Variants in CAMTA1 observed in about 807,000 individuals in gnomAD.
CAMTA1 encodes calmodulin-binding transcription activator 1.
A neutral mutation model predicts 170.9 loss-of-function variants in CAMTA1; 27 were observed. The observed-to-expected ratio is 0.16, with a 90% confidence interval of 0.12 to 0.22. CAMTA1 has a LOEUF of 0.22. Among genes scored for constraint, CAMTA1 ranks in the 10% least tolerant of loss-of-function variants. CAMTA1 has a pLI of 1.00. For synonymous variants in CAMTA1, 833 were observed against 891.5 expected, an observed-to-expected ratio of 0.93 and a Z score of 1.17; for missense variants, 1,619 against 2,217.2, an observed-to-expected ratio of 0.73 and a Z score of 5.42.
chr1:6,929,598 C>G (rs1237571512), intron 3 of CAMTA1, among the ~76,000 whole-genome samples: 1 of 152,136 alleles, frequency 6.6e-6, no homozygotes. Flanking sequence ...CTCCTGACCT[C>G]GTGATCCGCC....
chr1:6,885,519 G>A (rs1672962124), intron 3 of CAMTA1, among the ~76,000 whole-genome samples: 1 of 152,148 alleles, frequency 6.6e-6, no homozygotes, highest in Non-Finnish European at 1.5e-5. Context: ...ACTTTAACCA[G>A]CATAGCCAGC....
At chr1:7,752,095 G>A (rs917985533) in intron 20 of CAMTA1, among the ~76,000 whole-genome samples, 7 of 152,258 alleles carry the variant, frequency 4.6e-5, no homozygotes, top group Middle Eastern at 3.4e-3. Context: ...TATCAACTCC[G>A]GTGAATCACC....
At chr1:7,132,936 A>G (rs893678604) in intron 4 of CAMTA1, among the ~76,000 whole-genome samples, 12 of 152,166 alleles carry the variant, frequency 7.9e-5, no homozygotes, top group Non-Finnish European at 1.8e-4. Context: ...TGTTAAACCT[A>G]CATTTTATCA....
intron 3 of CAMTA1, among the ~76,000 whole-genome samples, chr1:6,998,886 T>G (rs1268145776): frequency 6.6e-6 from 1 of 152,240 alleles, no homozygotes; most frequent in Non-Finnish European, 1.5e-5. Flanking sequence ...AAATATTCAT[T>G]TATTCATTTC....
chr1:6,870,181 G>A (rs1667985208), intron 3 of CAMTA1, among the ~76,000 whole-genome samples: 1 of 152,082 alleles, frequency 6.6e-6, no homozygotes, highest in Non-Finnish European at 1.5e-5. Flanking sequence ...AAATAATGAT[G>A]CTACTAAAAC....
At position 7,732,758 on chromosome 1, in the gene CAMTA1, A is replaced by G. The variant is rs1346939873; in HGVS notation, c.3066+159A>G. 1.3e-5 allele frequency among the ~76,000 whole-genome samples: 2 copies of G among 152,222 alleles called. No individual in the cohort carries two copies. The highest frequency in any genetic ancestry group is 2.9e-5 in the Non-Finnish European group (2 of 68,036). ...CTTTACGGTACCTGTGCTTTTAAGC[A>G]TTATAATCTGTGCAGTATGGAAGAA... On this transcript the variant is annotated intron_variant, in intron 12 of 22. Transcript: ENST00000303635. This position sits in a 1 kb window ranked among gnomAD's most constrained non-coding sequence, Gnocchi z 4.1.
rs1051806775 is a variant in CAMTA1, at chr1:7,580,593, G to A, written c.511-59807G>A. On this transcript the variant is annotated intron_variant, in intron 6 of 22. Coordinates refer to ENST00000303635, the MANE Select transcript of CAMTA1 (RefSeq NM_015215.4). The surrounding 1 kb of genome is among the most constrained non-coding windows in gnomAD (Gnocchi z 4.3). ...ACTAACAAGTGCCAAGCCCTCCCAC[G>A]TTTGGGGACAGCCGTGTCAGAGACT... Among the ~76,000 whole-genome samples, 7 of 152,026 alleles carry A rather than the reference G, an allele frequency of 4.6e-5. No homozygotes were observed. Among genetic ancestry groups the A allele is most frequent in the African/African-American group, 1.4e-4 (6 of 41,390 alleles).
At chr1:7,675,617 C>T (rs902126601) in intron 10 of CAMTA1, among the ~76,000 whole-genome samples, 14 of 152,172 alleles carry the variant, frequency 9.2e-5, no homozygotes, top group Non-Finnish European at 1.9e-4. Flanking sequence ...GATTATGGGC[C>T]TCCCGACACC....
chr1:7,533,501 G>A (rs1208069021), intron 6 of CAMTA1, among the ~76,000 whole-genome samples: 1 of 152,230 alleles, frequency 6.6e-6, no homozygotes, highest in Non-Finnish European at 1.5e-5. Flanking sequence ...TAGAGGTGGG[G>A]TGTCCCTGCA....
intron 5 of CAMTA1, among the ~76,000 whole-genome samples, chr1:7,323,273 G>T (rs2149695839): frequency 6.6e-6 from 1 of 151,616 alleles, no homozygotes; most frequent in East Asian, 1.9e-4. Flanking sequence ...TGGCTTTCTT[G>T]AAGTATTTCA....
At chr1:7,137,289 G>C (rs1218846107) in intron 4 of CAMTA1, among the ~76,000 whole-genome samples, 1 of 152,104 alleles carries the variant, frequency 6.6e-6, no homozygotes, top group Non-Finnish European at 1.5e-5. Context: ...CTCCTGAACT[G>C]TTGGTAGAGC....
chr1:7,663,006 G>A (rs995184183), intron 8 of CAMTA1, among the ~76,000 whole-genome samples: 5 of 152,204 alleles, frequency 3.3e-5, no homozygotes, highest in Non-Finnish European at 7.3e-5. Flanking sequence ...AGTGGTATCT[G>A]TCTCTGATGG....
chr1:7,005,210 T>C (rs1307011589), intron 3 of CAMTA1, among the ~76,000 whole-genome samples: 1 of 152,240 alleles, frequency 6.6e-6, no homozygotes, highest in East Asian at 1.9e-4. Flanking sequence ...TGGGAAATTC[T>C]TAGCCACCCA....
At chr1:6,820,420 A>G (rs758372496) in intron 2 of CAMTA1, among the ~76,000 whole-genome samples, 170 bp downstream of exon 2, 6 of 152,218 alleles carry the variant, frequency 3.9e-5, no homozygotes, top group Non-Finnish European at 5.9e-5. Context: ...TGGGGTAGCA[A>G]AAAGAATGCT....
rs1357541711 is a variant in CAMTA1, at chr1:7,588,628, G to A, written c.511-51772G>A. On this transcript the variant is annotated intron_variant, in intron 6 of 22. Transcript: ENST00000303635. The surrounding 1 kb of genome is among the most constrained non-coding windows in gnomAD (Gnocchi z 5.8). ...CGATCTGAGCAGCCCCAGCCACAGT[G>A]GCCCATGTTGTTCCCTCCCTTGCAG... 6.6e-6 allele frequency among the ~76,000 whole-genome samples: 1 copy of A among 152,160 alleles called. No individual in the cohort carries two copies. Among genetic ancestry groups the A allele is most frequent in the Non-Finnish European group, 1.5e-5 (1 of 68,038 alleles).
At chr1:6,850,474 C>T (rs780758792) in intron 3 of CAMTA1, among the ~76,000 whole-genome samples, 16 of 152,126 alleles carry the variant, frequency 1.1e-4, no homozygotes, top group Non-Finnish European at 2.1e-4. Context: ...AAGGGGTAGA[C>T]CCACAAAGAG....
At chr1:7,408,023 G>A (rs967920002) in intron 5 of CAMTA1, among the ~76,000 whole-genome samples, 1 of 152,176 alleles carries the variant, frequency 6.6e-6, no homozygotes, top group Non-Finnish European at 1.5e-5. Flanking sequence ...ACCCTGAGTG[G>A]GAGAAAGGTT....
At chr1:7,514,237 G>A (rs759334238) in intron 6 of CAMTA1, among the ~76,000 whole-genome samples, 2 of 152,220 alleles carry the variant, frequency 1.3e-5, no homozygotes, top group African/African-American at 2.4e-5. Flanking sequence ...GAGGAAAGAG[G>A]AGGATTCTCC....
In CAMTA1 at chr1:6,825,123, A is replaced by G. The variant is rs1252566555; in HGVS notation, c.147A>G (p.Val49=). 3.7e-6 allele frequency: 6 copies of G among 1,606,840 alleles called. No individual in the cohort carries two copies. The African/African-American group carries it at 5.4e-5, about 14-fold the overall frequency. The part of the protein sequence containing the change: ...DDHGNSNSSH[V]KIFLPKKLLE... ...ATGGGAACAGCAATAGTAGTCATGT[A>G]AAAATCTTTTTACCGAAAAAGCTGC... The change falls in exon 3 of 23, where the codon GTA becomes GTG. Residue 49 remains valine, a synonymous_variant. Transcript: ENST00000303635.
Sources: allele counts gnomAD v4.1 joint callset (sites outside exome capture counted in the v4.1 genomes callset), GRCh38; gene constraint gnomAD v4.1.1; non-coding constraint Gnocchi (gnomAD v3.1); transcripts MANE v1.5; gene names NCBI Gene and HGNC (gene_info 2026-07-23, HGNC 2026-07-21).